FNBP4: variants seen among roughly 807,000 people sequenced by gnomAD.
FNBP4 encodes the protein formin-binding protein 4.
In FNBP4, 34 loss-of-function variants were observed where a neutral mutation model predicts 119.3. The ratio of observed to expected loss-of-function variants is 0.28; its 90% CI spans 0.22 to 0.38. The LOEUF is 0.38. Ranked by LOEUF, FNBP4 falls within the 10% of genes least tolerant of loss-of-function variation. The pLI, the probability that FNBP4 is intolerant of heterozygous loss-of-function variation, is 1.00. For synonymous variants in FNBP4, 462 were observed against 430.6 expected, an observed-to-expected ratio of 1.07 and a Z score of -0.90; for missense variants, 1,112 against 1,228.9, an observed-to-expected ratio of 0.90 and a Z score of 1.42.
intron 12 of FNBP4, among the ~76,000 whole-genome samples, chr11:47,730,363 C>T (rs1483943090): frequency 6.6e-6 from 1 of 152,142 alleles, no homozygotes; most frequent in African/African-American, 2.4e-5. Context: ...CAGCCTTTTG[C>T]TATGTTCTGA....
intron 12 of FNBP4, among the ~76,000 whole-genome samples, chr11:47,728,848 CT>C (rs35490791): frequency 1.8e-4 from 20 of 113,548 alleles, no homozygotes; most frequent in Admixed American, 3.1e-4. Context: ...CTGTAGGCGT[CT>C]TTTTTTTTTT....
chr11:47,746,690 A>G (rs2097591038), intron 6 of FNBP4, among the ~76,000 whole-genome samples: 1 of 151,686 alleles, frequency 6.6e-6, no homozygotes, highest in South Asian at 2.1e-4. Context: ...AATTTTTTGT[A>G]TTTTTAGTAG....
At position 47,746,043 on chromosome 11, in the gene FNBP4, T is replaced by C; in HGVS notation, c.1245+13A>G. On this transcript the variant is annotated intron_variant, in intron 7 of 16. Coordinates refer to ENST00000263773, the MANE Select transcript of FNBP4 (RefSeq NM_015308.5). ...AGGAAAAAACATTCTACAAGTAACT[T>C]TCAAAAGCTTACTTTTTTCCTTTCC... 1 of 1,582,438 alleles carries C rather than the reference T, an allele frequency of 6.3e-7. No individual in the cohort carries two copies. Among genetic ancestry groups the C allele is most frequent in the Non-Finnish European group, 8.6e-7 (1 of 1,168,632 alleles).
Position 47,753,024 on chromosome 11 carries a change from C to G in FNBP4, c.529G>C (p.Glu177Gln), listed in dbSNP as rs776921326. 1.2e-6 allele frequency: 2 copies of G among 1,614,092 alleles called. No individual in the cohort carries two copies. Among genetic ancestry groups the G allele is most frequent in the Non-Finnish European group, 1.7e-6 (2 of 1,180,022 alleles). Residue 177 changes from glutamate (E) to glutamine (Q), a missense_variant, in exon 4 of 17, where the codon GAG becomes CAG. Around this residue, in one of 2 missense-constraint regions of FNBP4, gnomAD observed 286 missense variants for 240.1 expected, o/e 1.19. Coordinates refer to ENST00000263773, the MANE Select transcript of FNBP4 (RefSeq NM_015308.5). ...SAPPPTPPRP[E>Q]PKEAATSTLS... Reference sequence around the variant, plus strand: ...GTAGATGTTGCTGCTTCCTTTGGCTCTGGTCGAGGTGGAGTTGGAGGTGGA... The same window carrying G: ...GTAGATGTTGCTGCTTCCTTTGGCTGTGGTCGAGGTGGAGTTGGAGGTGGA...
chr11:47,725,812 A>G, intron 12 of FNBP4: 1 of 981,776 alleles, frequency 1.0e-6, no homozygotes, highest in South Asian at 4.7e-5. Context: ...TATATATCCC[A>G]GGAATGTTGA....
At chr11:47,742,985 T>G (rs1277509319) in intron 8 of FNBP4, among the ~76,000 whole-genome samples, 1 of 152,160 alleles carries the variant, frequency 6.6e-6, no homozygotes, top group African/African-American at 2.4e-5. Flanking sequence ...TTTGGTTCTT[T>G]GTTTCTTTTT....
In FNBP4 at chr11:47,723,057, T is replaced by C. The variant is rs562514034; in HGVS notation, c.2724A>G (p.Pro908=). ...GTGGTGGAGGAGGAGGAGGAGGAGG[T>C]GGTGGTGGTGGTTCTATAATGGTAG... ...PTATIIEPPP[P]PPPPPPPPPP... Residue 908 remains proline, a synonymous_variant, in exon 15 of 17, where the codon CCA becomes CCG. Transcript: ENST00000263773. 6.3e-7 allele frequency: 1 copy of C among 1,585,058 alleles called. No homozygotes were observed. The highest frequency in any genetic ancestry group is 1.4e-5 in the African/African-American group (1 of 73,906).
intron 8 of FNBP4, among the ~76,000 whole-genome samples, chr11:47,738,692 C>CT (rs34723652): frequency 1.2e-4 from 18 of 148,892 alleles, no homozygotes; most frequent in East Asian, 5.9e-4. Context: ...ATATTTTAAA[C>CT]TTTTTTTTTT....
chr11:47,724,663 G>C lies in FNBP4; in HGVS notation c.2124C>G (p.Pro708=), dbSNP rs1480033982. Residue 708 remains proline, a synonymous_variant, in exon 13 of 17, where the codon CCC becomes CCG. Coordinates refer to ENST00000263773, the MANE Select transcript of FNBP4 (RefSeq NM_015308.5). Reference sequence around the variant, plus strand: ...GAGGTGGGGGTGGTGGCATTTCCAAGGGTAATGGAGGTTGAAGCACAGGAA... The same window carrying C: ...GAGGTGGGGGTGGTGGCATTTCCAACGGTAATGGAGGTTGAAGCACAGGAA... ...SNVPVLQPPL[P]LEMPPPPPPP... is the part of the protein sequence containing the mutation. 9 of 1,614,130 alleles carry C rather than the reference G, an allele frequency of 5.6e-6. No individual in the cohort carries two copies. Among genetic ancestry groups the C allele is most frequent in the Non-Finnish European group, 6.8e-6 (8 of 1,180,014 alleles).
chr11:47,735,268 T>C (rs1453919944), intron 9 of FNBP4, among the ~76,000 whole-genome samples: 1 of 152,188 alleles, frequency 6.6e-6, no homozygotes, highest in African/African-American at 2.4e-5. Context: ...ATACCAATAT[T>C]GTCAAATTGC....
intron 1 of FNBP4, 34 bp downstream of exon 1, chr11:47,767,035 G>A (rs896487575): frequency 2.0e-6 from 3 of 1,515,644 alleles, no homozygotes; most frequent in African/African-American, 2.9e-5. Flanking sequence ...CGCAAGCCCT[G>A]AGCTCGAGTT....
At chr11:47,743,791 C>G (rs1359739834) in intron 8 of FNBP4, 162 bp downstream of exon 8, 4 of 652,080 alleles carry the variant, frequency 6.1e-6, no homozygotes, top group Non-Finnish European at 7.8e-6. Flanking sequence ...AGAAAAAGAT[C>G]TGGAAAAGGT....
At chr11:47,742,400 C>T (rs2097583264) in intron 8 of FNBP4, among the ~76,000 whole-genome samples, 1 of 133,220 alleles carries the variant, frequency 7.5e-6, no homozygotes. Context: ...ATTGCTTGAC[C>T]CCGGGAGGTG....
chr11:47,747,316 T>C (rs982528824), intron 6 of FNBP4, among the ~76,000 whole-genome samples: 20 of 152,286 alleles, frequency 1.3e-4, no homozygotes, highest in African/African-American at 4.8e-4. Flanking sequence ...GCAATTTCCC[T>C]GCCTCAGCCT....
chr11:47,728,843 G>A (rs2097564100), intron 12 of FNBP4, among the ~76,000 whole-genome samples: 1 of 128,126 alleles, frequency 7.8e-6, no homozygotes, highest in Admixed American at 1.0e-4. Flanking sequence ...TGCTTCTGTA[G>A]GCGTCTTTTT....
chr11:47,750,198 G>A lies in FNBP4; in HGVS notation c.906+718C>T, dbSNP rs960285214. On this transcript the variant is annotated intron_variant, in intron 6 of 16. Transcript: ENST00000263773. The stretch of plus-strand genomic sequence containing the variant: ...GTTTGAGACCAGCCTGACCAACATG[G>A]TGAAACCCTGCCTCTAATAAAAATA... Among the ~76,000 whole-genome samples the A allele has an allele frequency of 2.6e-5, 4 of 151,744 alleles. 1 individual carries two copies. In the Admixed American group the frequency reaches 2.6e-4, roughly 10 times the overall value.
intron 2 of FNBP4, among the ~76,000 whole-genome samples, chr11:47,763,984 T>G (rs933383070): frequency 6.6e-5 from 10 of 152,176 alleles, no homozygotes; most frequent in Non-Finnish European, 1.3e-4. Flanking sequence ...AAGGATGTTT[T>G]GGAAATTAAA....
intron 2 of FNBP4, among the ~76,000 whole-genome samples, chr11:47,765,043 A>G (rs1444407752): frequency 1.3e-5 from 2 of 152,212 alleles, no homozygotes; most frequent in Admixed American, 6.5e-5. Flanking sequence ...CAGGAAAAAA[A>G]AACAGTAAAA....
chr11:47,754,740 A>AACATGTTTTTT, intron 2 of FNBP4, 76 bp from the exon 3 acceptor site: 1 of 1,514,398 alleles, frequency 6.6e-7, no homozygotes, highest in Non-Finnish European at 8.9e-7. Flanking sequence ...GCGGAAGTAT[A>AACATGTTTTTT]ACATGTTTTT....
Sources: allele counts gnomAD v4.1 joint callset (sites outside exome capture counted in the v4.1 genomes callset), GRCh38; gene constraint gnomAD v4.1.1; regional missense constraint gnomAD v4.1.1; transcripts MANE v1.5; gene names NCBI Gene and HGNC (gene_info 2026-07-23, HGNC 2026-07-21).